ABLIM1: variants seen among roughly 807,000 people sequenced by gnomAD.
ABLIM1 encodes the protein actin-binding LIM protein 1.
In ABLIM1, 40 loss-of-function variants were observed where a neutral mutation model predicts 107.0. The ratio of observed to expected loss-of-function variants is 0.37; its 90% confidence interval spans 0.29 to 0.49. The LOEUF (loss-of-function observed/expected upper bound fraction) is 0.49. Ranked by LOEUF, ABLIM1 falls within the 20% of genes least tolerant of loss-of-function variation. The pLI is 0.97. For missense variants in ABLIM1, 857 were observed against 1,008.5 expected (o/e 0.85, Z 2.04); for synonymous variants, 357 against 357.3 (o/e 1.00, Z 0.01).
intron 6 of ABLIM1, among the ~76,000 whole-genome samples, chr10:114,494,808 T>G (rs957765275): frequency 2.0e-5 from 3 of 152,236 alleles, no homozygotes; most frequent in Middle Eastern, 3.2e-3. Context: ...TTCAGTATTG[T>G]GTGATCTTGT....
chr10:114,727,848 G>A (rs576250715), intron 1 of ABLIM1, among the ~76,000 whole-genome samples: 10 of 152,136 alleles, frequency 6.6e-5, no homozygotes, highest in Admixed American at 3.3e-4. Context: ...CTAGCTACCC[G>A]GGAAGTCAAG....
At position 114,717,251 on chromosome 10, in the gene ABLIM1, C is replaced by T. The variant is rs139822721; in HGVS notation, c.-213+50810G>A. Among the ~76,000 whole-genome samples the T allele has an allele frequency of 1.9e-3, 288 of 152,306 alleles. 1 individual carries two copies. The highest frequency in any genetic ancestry group is 6.5e-3 in the African/African-American group (272 of 41,558). On this transcript the variant is annotated intron_variant, in intron 1 of 15. Transcript: ENST00000651092. ...GTGGGAAGAAATTCTGAGAATCTTA[C>T]AGCTGGACGGAAAGTCTATGGTCTT...
chr10:114,597,291 T>C (rs1448275400), intron 2 of ABLIM1, among the ~76,000 whole-genome samples: 1 of 152,100 alleles, frequency 6.6e-6, no homozygotes, highest in African/African-American at 2.4e-5. Flanking sequence ...GCTGATCTGA[T>C]TAGGATGGAG....
At chr10:114,563,207 G>C (rs1455726718) in intron 4 of ABLIM1, among the ~76,000 whole-genome samples, 2 of 152,256 alleles carry the variant, frequency 1.3e-5, no homozygotes, top group South Asian at 2.1e-4. Context: ...TCACCTCTTA[G>C]TGATGGGATT....
chr10:114,458,262 A>G (rs1237938779), intron 12 of ABLIM1, among the ~76,000 whole-genome samples: 1 of 151,824 alleles, frequency 6.6e-6, no homozygotes, highest in Non-Finnish European at 1.5e-5. Context: ...TTATGTTTCT[A>G]TTTCTATTTC....
chr10:114,771,352 T>C (rs1412932494), upstream of ABLIM1, among the ~76,000 whole-genome samples: 1 of 152,198 alleles, frequency 6.6e-6, no homozygotes, highest in African/African-American at 2.4e-5. Context: ...GTTAGGCACA[T>C]AGCAAGTACT....
chr10:114,559,438 CAAAA>C (rs72456292), intron 4 of ABLIM1, among the ~76,000 whole-genome samples: 2 of 49,364 alleles, frequency 4.1e-5, no homozygotes, highest in Admixed American at 2.4e-4. Flanking sequence ...ACTCGTCTCT[CAAAA>C]AAAAAAAAAA....
chr10:114,761,023 CTG>C (rs1468182794), intron 1 of ABLIM1, among the ~76,000 whole-genome samples: 1 of 152,124 alleles, frequency 6.6e-6, no homozygotes, highest in Non-Finnish European at 1.5e-5. Flanking sequence ...AGAGGAGAAA[CTG>C]TAGTTGATAC....
At chr10:114,767,136 G>C (rs201459156) in intron 1 of ABLIM1, among the ~76,000 whole-genome samples, 3 of 10,460 alleles carry the variant, frequency 2.9e-4, no homozygotes, top group Non-Finnish European at 5.9e-4. Flanking sequence ...TATCCAACAC[G>C]TTATCAAATT....
chr10:114,551,778 G>A (rs2068092890), intron 4 of ABLIM1, among the ~76,000 whole-genome samples: 1 of 152,146 alleles, frequency 6.6e-6, no homozygotes, highest in African/African-American at 2.4e-5. Flanking sequence ...ACCACGTGAG[G>A]GCTTTGTAAA....
intron 1 of ABLIM1, among the ~76,000 whole-genome samples, chr10:114,603,405 TG>T (rs1419943245): frequency 5.9e-5 from 9 of 152,134 alleles, no homozygotes; most frequent in Non-Finnish European, 1.2e-4. Context: ...GTTGAACACC[TG>T]ATCTGTGTTC....
At chr10:114,681,722 C>G (rs1038558438) in intron 1 of ABLIM1, among the ~76,000 whole-genome samples, 1 of 152,182 alleles carries the variant, frequency 6.6e-6, no homozygotes, top group Admixed American at 6.5e-5. Context: ...ATTCAAGGTA[C>G]CCTGGTGTGG....
chr10:114,496,557 A>T (rs751910470), intron 6 of ABLIM1, among the ~76,000 whole-genome samples: 1 of 152,172 alleles, frequency 6.6e-6, no homozygotes, highest in Non-Finnish European at 1.5e-5. Context: ...TGGGCTTAAT[A>T]CCTAGGTGAT....
chr10:114,474,073 C>T, intron 8 of ABLIM1, 117 bp from the exon 9 acceptor site: 1 of 688,104 alleles, frequency 1.5e-6, no homozygotes, highest in South Asian at 2.0e-5. Context: ...CACTTATCAC[C>T]TTTTTGAATA....
chr10:114,544,823 T>C (rs979960000), intron 6 of ABLIM1, among the ~76,000 whole-genome samples, 182 bp downstream of exon 6: 5 of 152,126 alleles, frequency 3.3e-5, no homozygotes, highest in African/African-American at 1.2e-4. Context: ...CATTCTAATT[T>C]CCACGTGAGC....
intron 1 of ABLIM1, among the ~76,000 whole-genome samples, chr10:114,664,264 C>T (rs960133243): frequency 2.6e-5 from 4 of 152,164 alleles, no homozygotes; most frequent in Non-Finnish European, 5.9e-5. Flanking sequence ...AGACTGTGAG[C>T]TAACTAAAAC....
intron 8 of ABLIM1, among the ~76,000 whole-genome samples, chr10:114,476,725 G>A (rs1336247112): frequency 6.6e-6 from 1 of 151,490 alleles, no homozygotes; most frequent in Non-Finnish European, 1.5e-5. Context: ...TATAGAAGTG[G>A]CACAATCAAA....
intron 1 of ABLIM1, among the ~76,000 whole-genome samples, chr10:114,708,964 C>T (rs1429981326): frequency 1.3e-5 from 2 of 152,124 alleles, no homozygotes; most frequent in African/African-American, 4.8e-5. Context: ...TGGAATGGCA[C>T]TGGTATTGGT....
At chr10:114,632,447 C>T (rs2078251540) in intron 1 of ABLIM1, 4 of 977,032 alleles carry the variant, frequency 4.1e-6, no homozygotes, top group Non-Finnish European at 4.9e-6. Context: ...ATTTTTACTA[C>T]GGCTTCTTTC....
Sources: allele counts gnomAD v4.1 joint callset (sites outside exome capture counted in the v4.1 genomes callset), GRCh38; gene constraint gnomAD v4.1.1; transcripts MANE v1.5; gene names NCBI Gene and HGNC (gene_info 2026-07-23, HGNC 2026-07-21).